The following NFYC variants were observed in gnomAD, a reference collection of about 807,000 sequenced individuals.
NFYC encodes nuclear transcription factor Y subunit gamma, also known as CAAT box DNA-binding protein subunit C.
NFYC carries 25 observed loss-of-function variants against 53.1 expected under a neutral mutation model. The observed-to-expected ratio is 0.47, with a 90% CI of 0.34 to 0.66. The LOEUF is 0.66. NFYC is among the 30% of genes least tolerant of loss of function. The probability of loss-of-function intolerance (pLI) is 0.01; values close to 1 mark genes in which losing one functional copy is unlikely to be tolerated. For missense variants in NFYC, 260 were observed against 422.7 expected (o/e 0.62, Z 3.38); for synonymous variants, 145 against 152.6 (o/e 0.95, Z 0.37).
intron 1 of NFYC, among the ~76,000 whole-genome samples, chr1:40,711,483 G>A (rs1294879299): frequency 6.6e-6 from 1 of 152,094 alleles, no homozygotes; most frequent in Non-Finnish European, 1.5e-5. Flanking sequence ...GTGAAGGTGT[G>A]GTACAGTATG....
intron 5 of NFYC, among the ~76,000 whole-genome samples, chr1:40,755,838 T>C (rs1459591797): frequency 6.6e-6 from 1 of 152,210 alleles, no homozygotes; most frequent in Non-Finnish European, 1.5e-5. Context: ...TGTCCTGCTC[T>C]CACAGCTTTT....
intron 1 of NFYC, among the ~76,000 whole-genome samples, chr1:40,733,019 C>CCACCT (rs35467973): frequency 9.7e-6 from 1 of 103,192 alleles, no homozygotes; most frequent in African/African-American, 3.8e-5. Flanking sequence ...CCCCCCCCCC[C>CCACCT]TTTTTTTTTT....
intron 1 of NFYC, among the ~76,000 whole-genome samples, chr1:40,733,019 C>CCCCCTT (rs35467973): frequency 9.7e-6 from 1 of 103,192 alleles, no homozygotes; most frequent in African/African-American, 3.8e-5. Context: ...CCCCCCCCCC[C>CCCCCTT]TTTTTTTTTT....
In NFYC at chr1:40,765,503, G is replaced by A. The variant is rs535864590; in HGVS notation, c.721-1093G>A. 6.6e-5 allele frequency among the ~76,000 whole-genome samples: 10 copies of A among 152,346 alleles called. 1 individual carries two copies. The highest frequency in any genetic ancestry group is 2.4e-4 in the African/African-American group (10 of 41,588). ...CCTCATGGAAGAGTCCTGCAGTGAA[G>A]TTAGCTCTTGAAGGCCAGAGGGAAA... On this transcript the variant is annotated intron_variant, in intron 7 of 9. Coordinates refer to ENST00000447388, the MANE Select transcript of NFYC (RefSeq NM_014223.5).
intron 3 of NFYC, 96 bp from the exon 4 acceptor site, chr1:40,749,477 C>G (rs2148673570): frequency 1.1e-6 from 1 of 922,552 alleles, no homozygotes; most frequent in South Asian, 1.4e-5. Flanking sequence ...TTTTTTGACC[C>G]TTGCCCCATA....
Position 40,770,910 on chromosome 1 carries a change from A to G in NFYC, c.*82A>G. ...GGCAATGGGCACAGCCTTCCTCCCC[A>G]GAGGACCCGGCCGACCTCAGCGCCT... On this transcript the variant is annotated 3_prime_UTR_variant, in exon 10 of 10. Transcript: ENST00000447388. This position sits in a 1 kb window ranked among gnomAD's most constrained non-coding sequence, Gnocchi z 5.3. The G allele has an allele frequency of 6.7e-7, 1 of 1,495,558 alleles. No homozygotes were observed. Among genetic ancestry groups the G allele is most frequent in the Non-Finnish European group, 9.1e-7 (1 of 1,096,886 alleles). 92.6% of individuals were successfully genotyped at this position (1,495,558 alleles called of 1,614,324 possible).
At chr1:40,720,499 A>C (rs1209254437) in intron 1 of NFYC, among the ~76,000 whole-genome samples, 1 of 132,650 alleles carries the variant, frequency 7.5e-6, no homozygotes, top group East Asian at 2.1e-4. Flanking sequence ...ACAACTGAGC[A>C]CAGATACTTA....
At chr1:40,757,871 G>T in intron 5 of NFYC, 1 of 565,988 alleles carries the variant, frequency 1.8e-6, no homozygotes, top group African/African-American at 1.9e-5. Flanking sequence ...AACTTATCAT[G>T]CAATGGGTGA....
intron 6 of NFYC, among the ~76,000 whole-genome samples, chr1:40,759,557 A>T (rs1646423165): frequency 1.9e-5 from 1 of 52,108 alleles, no homozygotes; most frequent in Non-Finnish European, 4.0e-5. Flanking sequence ...AAAAAAAAGT[A>T]TATGTGTGTG....
intron 1 of NFYC, among the ~76,000 whole-genome samples, chr1:40,738,109 A>AAG (rs1645149835): frequency 6.6e-6 from 1 of 151,876 alleles, no homozygotes; most frequent in Admixed American, 6.6e-5. Flanking sequence ...TCACTGTTTT[A>AAG]GCCAGGATGG....
chr1:40,770,516 C>T lies in NFYC; in HGVS notation c.889-193C>T. 1.9e-6 allele frequency: 3 copies of T among 1,557,058 alleles called. No homozygotes were observed. The highest frequency in any genetic ancestry group is 1.7e-6 in the Non-Finnish European group (2 of 1,150,022). ...CTTCCCTGCCCACCACACACCCCCC[C>T]TCACACCGGGCTGGTGCCTCCTGTG... On this transcript the variant is annotated intron_variant, in intron 9 of 9. Coordinates refer to ENST00000447388, the MANE Select transcript of NFYC (RefSeq NM_014223.5). This position sits in a 1 kb window ranked among gnomAD's most constrained non-coding sequence, Gnocchi z 5.3.
At position 40,727,258 on chromosome 1, in the gene NFYC, CTG is replaced by C. The variant is rs1362794000; in HGVS notation, c.-8-11576_-8-11575del. ...TTGGTTTTTGAGACAGGGTCTTACT[CTG>C]TTGCCCAGACTGGAGTGCAGTAGCA... On this transcript the variant is annotated intron_variant, in intron 1 of 9. Transcript: ENST00000447388. Among the ~76,000 whole-genome samples, 7 of 152,252 alleles carry C rather than the reference CTG, an allele frequency of 4.6e-5. No homozygotes were observed. The East Asian group carries it at 7.7e-4, about 17-fold the overall frequency.
intron 6 of NFYC, among the ~76,000 whole-genome samples, chr1:40,760,683 G>C (rs1191414677): frequency 6.6e-6 from 1 of 151,504 alleles, no homozygotes; most frequent in Non-Finnish European, 1.5e-5. Context: ...TCGTGCCACT[G>C]CACTCCAATC....
At chr1:40,691,918 CG>C (rs1164275466) in intron 1 of NFYC, 51 bp downstream of exon 1, 16 of 338,414 alleles carry the variant, frequency 4.7e-5, no homozygotes, top group Middle Eastern at 3.8e-4. Context: ...GAAGCGGCGG[CG>C]GGGGGAGGGG....
In NFYC at chr1:40,770,843, A is replaced by C; in HGVS notation, c.*15A>C. The C allele has an allele frequency of 6.2e-7, 1 of 1,604,966 alleles. No individual in the cohort carries two copies. Among genetic ancestry groups the C allele is most frequent in the Non-Finnish European group, 8.5e-7 (1 of 1,179,736 alleles). On this transcript the variant is annotated 3_prime_UTR_variant, in exon 10 of 10. Transcript: ENST00000447388. The surrounding 1 kb of genome is among the most constrained non-coding windows in gnomAD (Gnocchi z 5.3). ...CCGGCGACTGAGGGCCTGAGCTGGC[A>C]AGGCCAAGGACACCCAACACAATTT...
chr1:40,751,009 C>T (rs1283312080), intron 4 of NFYC, among the ~76,000 whole-genome samples: 2 of 152,190 alleles, frequency 1.3e-5, no homozygotes. Flanking sequence ...ACATATCCCC[C>T]TACTCTGTAA....
intron 9 of NFYC, 58 bp downstream of exon 9, chr1:40,769,473 G>A: frequency 1.3e-6 from 2 of 1,502,180 alleles, no homozygotes; most frequent in Non-Finnish European, 1.9e-6. Flanking sequence ...AGGGTAGCAG[G>A]TAGTATCTGG....
chr1:40,758,031 A>G (rs1195821424), intron 5 of NFYC, 90 bp from the exon 6 acceptor site: 6 of 1,449,752 alleles, frequency 4.1e-6, no homozygotes, highest in African/African-American at 2.8e-5. Context: ...GCAACTGCAC[A>G]TAGCCTGTTT....
intron 1 of NFYC, among the ~76,000 whole-genome samples, chr1:40,738,226 C>T (rs996487486): frequency 7.2e-5 from 11 of 152,096 alleles, no homozygotes; most frequent in African/African-American, 1.7e-4. Flanking sequence ...AAGAGACAGA[C>T]GCTTGCTATG....
Sources: gnomAD v4.1 joint callset for allele counts (sites outside exome capture counted in the v4.1 genomes callset) on GRCh38, gnomAD v4.1.1 for gene constraint, Gnocchi (gnomAD v3.1) non-coding constraint, MANE v1.5 for transcripts, NCBI Gene and HGNC (gene_info 2026-07-23, HGNC 2026-07-21) for gene names.